USO1: variants seen among roughly 807,000 people sequenced by gnomAD.
USO1 encodes general vesicular transport factor p115.
Under a neutral mutation model 124.5 loss-of-function variants are expected in USO1, and 57 were observed. The observed-to-expected ratio is 0.46, with a 90% CI of 0.37 to 0.57. The LOEUF (loss-of-function observed/expected upper bound fraction) is 0.57, where lower values mean the gene tolerates loss of function less well. Among genes scored for constraint, USO1 ranks in the 20% least tolerant of loss-of-function variants. USO1 has a pLI of 0.00. For missense variants in USO1, 900 were observed against 1,040.6 expected, an observed-to-expected ratio of 0.86 and a Z score of 1.86; for synonymous variants, 369 against 362.8, an observed-to-expected ratio of 1.02 and a Z score of -0.19.
intron 9 of USO1, among the ~76,000 whole-genome samples, chr4:75,784,049 TCTTA>T (rs1722293708): frequency 1.3e-5 from 2 of 152,234 alleles, no homozygotes; most frequent in South Asian, 4.1e-4. Flanking sequence ...AGAGACAGGT[TCTTA>T]CTTAGTTGCC....
At chr4:75,729,862 A>G (rs931723084) in intron 1 of USO1, 4 of 323,418 alleles carry the variant, frequency 1.2e-5, no homozygotes, top group Admixed American at 9.0e-5. Flanking sequence ...AGGGCTAACA[A>G]TATAAACACA....
intron 8 of USO1, 91 bp from the exon 9 acceptor site, chr4:75,782,589 G>C (rs1722249477): frequency 6.9e-7 from 1 of 1,446,058 alleles, no homozygotes; most frequent in Admixed American, 2.8e-5. Flanking sequence ...AAGAGATGCT[G>C]AGCATGGAGA....
intron 1 of USO1, among the ~76,000 whole-genome samples, chr4:75,748,254 CTT>C (rs1721190710): frequency 1.4e-5 from 2 of 138,960 alleles, no homozygotes; most frequent in South Asian, 4.5e-4. Flanking sequence ...AGTGGTGTCA[CTT>C]TGGCTCACTG....
At chr4:75,736,074 T>C (rs1245386720) in intron 1 of USO1, among the ~76,000 whole-genome samples, 6 of 152,182 alleles carry the variant, frequency 3.9e-5, no homozygotes, top group African/African-American at 1.4e-4. Context: ...CAATTATCAT[T>C]TTTTGATTTT....
intron 22 of USO1, among the ~76,000 whole-genome samples, chr4:75,811,489 A>G (rs888044129): frequency 1.3e-5 from 2 of 152,164 alleles, no homozygotes; most frequent in African/African-American, 4.8e-5. Flanking sequence ...ACATCTAATC[A>G]CAATAACAAA....
chr4:75,791,351 C>T (rs1464401879), intron 12 of USO1, among the ~76,000 whole-genome samples: 3 of 152,138 alleles, frequency 2.0e-5, no homozygotes, highest in Non-Finnish European at 4.4e-5. Context: ...TGGTGAAACC[C>T]CGTCTCTACT....
intron 15 of USO1, 67 bp from the exon 16 acceptor site, chr4:75,800,551 A>G (rs1225713756): frequency 1.3e-6 from 2 of 1,519,604 alleles, no homozygotes; most frequent in Non-Finnish European, 1.8e-6. Context: ...CATTATGTAG[A>G]CCAAGCTTTT....
At position 75,788,150 on chromosome 4, in the gene USO1, T is replaced by C. The variant is rs1722414876; in HGVS notation, c.996+948T>C. ...CTTCCTTGATTATCTGGATCCTATATCTTTATTTATTTATTTATTTATTTT... is the reference window on the plus strand; with the variant it reads ...CTTCCTTGATTATCTGGATCCTATACCTTTATTTATTTATTTATTTATTTT... On this transcript the variant is annotated intron_variant, in intron 10 of 23. Transcript: ENST00000514213. 3.8e-5 allele frequency among the ~76,000 whole-genome samples: 5 copies of C among 133,254 alleles called. No homozygotes were observed. In the South Asian group the frequency reaches 1.3e-3, roughly 34 times the overall value. The allele number at this position is 133,254 out of a possible 152,430, so 87.4% of individuals were successfully genotyped here.
At chr4:75,804,055 C>T in intron 17 of USO1, 79 bp from the exon 18 acceptor site, 4 of 1,506,960 alleles carry the variant, frequency 2.7e-6, no homozygotes, top group Non-Finnish European at 3.5e-6. Flanking sequence ...AAAATGACCT[C>T]TAATTTTTAA....
chr4:75,792,537 C>CA (rs1429148227), intron 12 of USO1, among the ~76,000 whole-genome samples: 5 of 150,410 alleles, frequency 3.3e-5, no homozygotes, highest in South Asian at 4.2e-4. Flanking sequence ...GACTCTATCT[C>CA]AAAAAAAATA....
At position 75,810,417 on chromosome 4, in the gene USO1, A is replaced by G. The variant is rs1444686488; in HGVS notation, c.2476-15A>G. 57 of 1,591,702 alleles carry G rather than the reference A, an allele frequency of 3.6e-5. No homozygotes were observed. The highest frequency in any genetic ancestry group is 4.8e-5 in the Non-Finnish European group (56 of 1,172,560). On this transcript the variant is annotated splice_polypyrimidine_tract_variant and intron_variant, in intron 21 of 23. Coordinates refer to ENST00000514213, the MANE Select transcript of USO1 (RefSeq NM_003715.4). ...ATGTTTAAGAGACATCTTTTTTTCC[A>G]ATTTCTAATTTCAGGCAAAATCAGT...
intron 1 of USO1, among the ~76,000 whole-genome samples, chr4:75,734,817 C>G (rs1720742574): frequency 7.4e-6 from 1 of 134,394 alleles, no homozygotes; most frequent in Non-Finnish European, 1.5e-5. Context: ...CAACCTCTGT[C>G]TCCCGGGTTC....
chr4:75,760,068 C>T (rs543700820), intron 4 of USO1, among the ~76,000 whole-genome samples: 8 of 151,928 alleles, frequency 5.3e-5, no homozygotes, highest in African/African-American at 1.4e-4. Context: ...CAAAATTAGC[C>T]GGGCGTGGTG....
chr4:75,734,822 G>A (rs753898382), intron 1 of USO1, among the ~76,000 whole-genome samples: 5 of 131,836 alleles, frequency 3.8e-5, no homozygotes, highest in Non-Finnish European at 6.2e-5. Flanking sequence ...TCTGTCTCCC[G>A]GGTTCAAGTG....
chr4:75,780,638 G>C (rs1474504843), intron 8 of USO1, among the ~76,000 whole-genome samples: 1 of 89,752 alleles, frequency 1.1e-5, no homozygotes, highest in Non-Finnish European at 2.3e-5. Flanking sequence ...GATAAATTTT[G>C]ACTTTTTTTT....
intron 12 of USO1, among the ~76,000 whole-genome samples, chr4:75,793,119 A>G (rs932972061): frequency 4.0e-5 from 6 of 151,170 alleles, no homozygotes; most frequent in African/African-American, 1.5e-4. Context: ...CATTGTGTGT[A>G]TATACCACAT....
chr4:75,730,637 C>T (rs556986286), intron 1 of USO1, among the ~76,000 whole-genome samples: 1 of 152,080 alleles, frequency 6.6e-6, no homozygotes, highest in East Asian at 1.9e-4. Flanking sequence ...TTTGTTGATA[C>T]CAAATACTGT....
intron 4 of USO1, chr4:75,760,698 TAAA>T (rs889948155): frequency 2.8e-6 from 1 of 358,636 alleles, no homozygotes; most frequent in Non-Finnish European, 5.0e-6. Context: ...TTCTGGCTGG[TAAA>T]AAAAAAATCT....
intron 1 of USO1, among the ~76,000 whole-genome samples, chr4:75,751,113 T>A: frequency 6.6e-6 from 1 of 152,170 alleles, no homozygotes; most frequent in South Asian, 2.1e-4. Flanking sequence ...TAAGTTGTTA[T>A]CTGTTTTTTC....
Sources: gnomAD v4.1 joint callset for allele counts (sites outside exome capture counted in the v4.1 genomes callset) on GRCh38, gnomAD v4.1.1 for gene constraint, MANE v1.5 for transcripts, NCBI Gene and HGNC (gene_info 2026-07-23, HGNC 2026-07-21) for gene names.